GLIS3: variants seen among roughly 807,000 people sequenced by gnomAD.
GLIS3 encodes GLIS family zinc finger 3.
GLIS3 carries 53 observed loss-of-function variants against 78.6 expected under a neutral mutation model. The observed-to-expected ratio is 0.67, with a 90% confidence interval of 0.54 to 0.85. GLIS3 has a LOEUF of 0.85. Among genes scored for constraint, GLIS3 ranks in the 40% least tolerant of loss-of-function variants. The pLI, the probability that GLIS3 is intolerant of heterozygous loss-of-function variation, is 0.00. For missense variants in GLIS3, 1,703 were observed against 1,231.1 expected, an observed-to-expected ratio of 1.38 and a Z score of -5.74; for synonymous variants, 684 against 509.9, an observed-to-expected ratio of 1.34 and a Z score of -4.60.
At chr9:3,933,859 AC>A (rs1375708632) in intron 5 of GLIS3, among the ~76,000 whole-genome samples, 1 of 152,100 alleles carries the variant, frequency 6.6e-6, no homozygotes, top group African/African-American at 2.4e-5. Context: ...TTTTTGTGTC[AC>A]TGGATTCCAA....
chr9:4,345,138 A>G (rs13295612), intron 2 of GLIS3, among the ~76,000 whole-genome samples: 43,415 of 152,090 alleles, frequency 0.29, 6,687 homozygotes, highest in Non-Finnish European at 0.34. Context: ...CTGAGTGCTT[A>G]CAAGATCCTA....
intron 4 of GLIS3, among the ~76,000 whole-genome samples, chr9:4,076,202 G>T (rs1363277117): frequency 6.6e-6 from 1 of 152,078 alleles, no homozygotes; most frequent in Non-Finnish European, 1.5e-5. Flanking sequence ...TGATTAATGA[G>T]TTCCATCTAC....
At chr9:4,378,386 G>C in the GLIS3 span, among the ~76,000 whole-genome samples, 1 of 151,970 alleles carries the variant, frequency 6.6e-6, no homozygotes, top group Non-Finnish European at 1.5e-5. Context: ...CATATTCACT[G>C]TTTCTCCAAA....
intron 4 of GLIS3, among the ~76,000 whole-genome samples, chr9:4,072,374 C>T (rs973230927): frequency 2.6e-5 from 4 of 152,180 alleles, no homozygotes. Context: ...GTTGACAAGT[C>T]CAAAGCATAC....
intron 8 of GLIS3, among the ~76,000 whole-genome samples, chr9:3,864,296 T>C (rs912863151): frequency 2.0e-5 from 3 of 152,156 alleles, no homozygotes; most frequent in African/African-American, 7.2e-5. Flanking sequence ...TACAATAGAA[T>C]GCATTAGATG....
intron 4 of GLIS3, among the ~76,000 whole-genome samples, chr9:4,083,848 G>C (rs1422367099): frequency 1.3e-5 from 2 of 152,168 alleles, no homozygotes; most frequent in East Asian, 3.9e-4. Context: ...TGTACCATTT[G>C]CTTACATCAA....
chr9:4,057,801 A>C (rs1194548079), intron 4 of GLIS3, among the ~76,000 whole-genome samples: 1 of 152,182 alleles, frequency 6.6e-6, no homozygotes, highest in Non-Finnish European at 1.5e-5. Flanking sequence ...TTAATGCTAT[A>C]AGAGAAAAAG....
At chr9:4,298,036 C>CCGTGCG (rs925628859) in intron 1 of GLIS3, among the ~76,000 whole-genome samples, 4 of 152,136 alleles carry the variant, frequency 2.6e-5, no homozygotes, top group Non-Finnish European at 4.4e-5. Flanking sequence ...ACCCTCGGCC[C>CCGTGCG]CGTGCGCGAG....
At chr9:4,299,265 G>C (rs900327294) in intron 1 of GLIS3, 156 bp downstream of exon 1, 1 of 152,124 alleles carries the variant, frequency 6.6e-6, no homozygotes, top group Admixed American at 6.5e-5. Flanking sequence ...TGAGGTGCGC[G>C]TATCCTTAAA....
At chr9:4,168,735 C>G (rs1816105275) in intron 2 of GLIS3, among the ~76,000 whole-genome samples, 2 of 152,126 alleles carry the variant, frequency 1.3e-5, no homozygotes, top group South Asian at 2.1e-4. Context: ...AAATACTTTT[C>G]CAGTTGAACA....
At chr9:4,011,933 T>A (rs976203173) in intron 4 of GLIS3, among the ~76,000 whole-genome samples, 1 of 152,138 alleles carries the variant, frequency 6.6e-6, no homozygotes, top group African/African-American at 2.4e-5. Context: ...AGAATTCTCA[T>A]TAAAAACGAT....
intron 2 of GLIS3, chr9:4,150,818 G>C (rs1376290381): frequency 6.6e-6 from 1 of 152,192 alleles, no homozygotes; most frequent in Non-Finnish European, 1.5e-5. Flanking sequence ...CACACAGCTA[G>C]TTAATGGCAG....
chr9:3,948,163 T>C (rs993744012), intron 4 of GLIS3, among the ~76,000 whole-genome samples: 5 of 152,226 alleles, frequency 3.3e-5, no homozygotes, highest in African/African-American at 1.2e-4. Context: ...CCAGTTTCTT[T>C]TCTTTCAAGG....
chr9:4,461,870 G>C, the GLIS3 span, among the ~76,000 whole-genome samples: 1 of 152,156 alleles, frequency 6.6e-6, no homozygotes, highest in East Asian at 1.9e-4. Context: ...CAAGCTCTGC[G>C]ATTTCAGAGA....
chr9:4,470,664 A>C, the GLIS3 span, among the ~76,000 whole-genome samples: 29,950 of 150,370 alleles, frequency 0.2, 2,345 homozygotes, highest in Admixed American at 0.22. Flanking sequence ...ATGGGCAAAA[A>C]CTGGAAGCAT....
rs113454672 is a variant in GLIS3, at chr9:3,855,932, C to A, written c.2473+77G>T. On this transcript the variant is annotated intron_variant, in intron 9 of 10. Transcript: ENST00000381971. Reference sequence around the variant, plus strand: ...TGTAGAACAGAGCATCTGAAATCCACGACAGGTAACTAAGATGAAAAGCAA... The same window carrying A: ...TGTAGAACAGAGCATCTGAAATCCAAGACAGGTAACTAAGATGAAAAGCAA... 4 of 1,502,352 alleles carry A rather than the reference C, an allele frequency of 2.7e-6. No individual in the cohort carries two copies. The South Asian group carries it at 4.5e-5, about 17-fold the overall frequency. The allele number at this position is 1,502,352 out of a possible 1,614,324, so 93.1% of individuals were successfully genotyped here.
chr9:4,154,807 C>G (rs190572486), intron 2 of GLIS3, among the ~76,000 whole-genome samples: 4 of 151,856 alleles, frequency 2.6e-5, no homozygotes, highest in Non-Finnish European at 5.9e-5. Flanking sequence ...AATAATCTAC[C>G]CTATGGACAT....
intron 1 of GLIS3, among the ~76,000 whole-genome samples, chr9:4,294,765 T>C (rs1340311201): frequency 6.6e-6 from 1 of 152,210 alleles, no homozygotes; most frequent in Non-Finnish European, 1.5e-5. Flanking sequence ...ACACAGATTG[T>C]TTTACACCTA....
intron 4 of GLIS3, among the ~76,000 whole-genome samples, chr9:4,032,884 C>T (rs1182976023): frequency 8.6e-5 from 13 of 151,486 alleles, no homozygotes; most frequent in Admixed American, 8.5e-4. Flanking sequence ...GACAGAGTCT[C>T]GCTCTGTCGC....
Sources: allele counts gnomAD v4.1 joint callset (sites outside exome capture counted in the v4.1 genomes callset), GRCh38; gene constraint gnomAD v4.1.1; transcripts MANE v1.5; gene names NCBI Gene and HGNC (gene_info 2026-07-23, HGNC 2026-07-21).